The following DMD variants were observed in gnomAD, a reference collection of about 807,000 sequenced individuals.
DMD encodes the protein dystrophin.
In DMD, 63 loss-of-function variants were observed where a neutral mutation model predicts 330.1. The ratio of observed to expected loss-of-function variants is 0.19; its 90% CI spans 0.16 to 0.24. DMD has a LOEUF of 0.24. Among genes scored for constraint, DMD ranks in the 10% least tolerant of loss-of-function variants. The pLI is 1.00. For synonymous variants in DMD, 1,223 were observed against 959.8 expected (o/e 1.27, Z -5.07); for missense variants, 3,344 against 2,684.1 (o/e 1.25, Z -5.43).
chrX:32,218,808 G>C (rs941851360), intron 43 of DMD, among the ~76,000 whole-genome samples: 3 of 111,471 alleles, frequency 2.7e-5, no homozygotes, highest in Non-Finnish European at 5.7e-5. Context: ...GTAGAGAGAG[G>C]CTTCTAACCC....
intron 55 of DMD, among the ~76,000 whole-genome samples, chrX:31,616,651 T>A (rs910315938): frequency 3.6e-5 from 4 of 112,322 alleles, no homozygotes; most frequent in African/African-American, 1.3e-4. Context: ...GCAGATGAAA[T>A]CTTTGCTCTC....
At chrX:32,310,715 C>T in intron 41 of DMD, among the ~76,000 whole-genome samples, 1 of 110,348 alleles carries the variant, frequency 9.1e-6, no homozygotes, top group African/African-American at 3.3e-5. Context: ...GGCAACTTTC[C>T]TGTATCTATA....
At chrX:32,814,372 T>G (rs1342078096) in intron 6 of DMD, among the ~76,000 whole-genome samples, 2 of 112,522 alleles carry the variant, frequency 1.8e-5, no homozygotes, top group African/African-American at 6.4e-5. Context: ...TAGTCAATCC[T>G]TATGCTCTAT....
intron 44 of DMD, among the ~76,000 whole-genome samples, chrX:32,161,984 G>A (rs1295571104): frequency 9.0e-6 from 1 of 111,552 alleles, no homozygotes; most frequent in African/African-American, 3.3e-5. Context: ...CCTAGTGAAT[G>A]AGAGGCTTCA....
Position 31,968,461 on chromosome X carries a change from T to A in DMD, c.6492A>T (p.Ala2164=). 1 of 1,210,816 alleles carries A rather than the reference T, an allele frequency of 8.3e-7. No homozygotes were observed. The highest frequency in any genetic ancestry group is 1.1e-6 in the Non-Finnish European group (1 of 894,867). The part of the protein sequence containing the change: ...QRQTVVRTLN[A]TGEEIIQQSS... ...ATTGCTGAATTATTTCTTCCCCAGT[T>A]GCATTCAATGTTCTGACAACAGTTT... Residue 2164 remains alanine (A), a synonymous_variant, in exon 45 of 79, where the codon GCA becomes GCT. Coordinates refer to ENST00000357033, the MANE Select transcript of DMD (RefSeq NM_004006.3).
Position 32,799,503 on chromosome X carries a change from C to G in DMD, c.649+9990G>C, listed in dbSNP as rs185417713. Among the ~76,000 whole-genome samples, 170 of 111,068 alleles carry G rather than the reference C, an allele frequency of 1.5e-3. 1 individual carries two copies. The highest frequency in any genetic ancestry group is 5.4e-3 in the African/African-American group (166 of 30,629). On this transcript the variant is annotated intron_variant, in intron 7 of 78. Transcript: ENST00000357033. ...CTAGAACAGGCGCAATCTTTTATCC[C>G]TGATTTTTTGTTTTATTCCTTTAAA...
intron 1 of DMD, among the ~76,000 whole-genome samples, chrX:33,325,312 C>T (rs1485490550): frequency 1.8e-5 from 2 of 112,191 alleles, no homozygotes; most frequent in Non-Finnish European, 3.8e-5. Flanking sequence ...TGGATAATTT[C>T]AAAACCAATT....
chrX:31,434,418 G>GCGCA (rs1195150508), intron 60 of DMD, among the ~76,000 whole-genome samples: 129 of 78,042 alleles, frequency 1.7e-3, no homozygotes, highest in African/African-American at 3.7e-3. Flanking sequence ...CAGCGCGCGC[G>GCGCA]CACACACACA....
intron 60 of DMD, among the ~76,000 whole-genome samples, chrX:31,431,161 T>C (rs2064043932): frequency 9.0e-6 from 1 of 111,135 alleles, no homozygotes; most frequent in South Asian, 3.8e-4. Context: ...CACTTGATTT[T>C]CTCTGTTACA....
intron 49 of DMD, among the ~76,000 whole-genome samples, chrX:31,833,018 T>C (rs1055476644): frequency 2.7e-5 from 3 of 111,068 alleles, no homozygotes; most frequent in African/African-American, 9.8e-5. Flanking sequence ...CTGATAGCAG[T>C]TGTTTTTGCT....
Position 31,444,488 on chromosome X carries a change from A to T in DMD, c.9077T>A (p.Leu3026His). The change falls in exon 60 of 79, where the codon CTT (leucine) becomes CAT (histidine). Residue 3026 changes from leucine (L) to histidine (H), a missense_variant. Transcript: ENST00000357033. ...TLEDLNTRWK[L>H]LQVAVEDRVR... ...TGTTTACAATGTGCTTACCTGCAGA[A>T]GCTTCCATCTGGTGTTCAGGTCTTC... The T allele has an allele frequency of 8.3e-7, 1 of 1,211,746 alleles. No homozygotes were observed. The highest frequency in any genetic ancestry group is 1.1e-6 in the Non-Finnish European group (1 of 895,384).
At chrX:32,871,385 A>G (rs933580576) in intron 2 of DMD, among the ~76,000 whole-genome samples, 2 of 110,930 alleles carry the variant, frequency 1.8e-5, no homozygotes, top group Non-Finnish European at 3.8e-5. Flanking sequence ...CATACTTAAG[A>G]TCAAGTGGGA....
At chrX:32,787,333 AG>A (rs1223580899) in intron 7 of DMD, among the ~76,000 whole-genome samples, 2 of 109,590 alleles carry the variant, frequency 1.8e-5, no homozygotes, top group African/African-American at 6.7e-5. Flanking sequence ...TATGAAAACT[AG>A]ATTAGACTCT....
chrX:31,704,156 T>G (rs1396655955), intron 52 of DMD, among the ~76,000 whole-genome samples: 1 of 112,277 alleles, frequency 8.9e-6, no homozygotes, highest in African/African-American at 3.2e-5. Context: ...AATTTTTTTC[T>G]GATGACTTAT....
intron 55 of DMD, among the ~76,000 whole-genome samples, chrX:31,579,842 A>C: frequency 8.9e-6 from 1 of 112,524 alleles, no homozygotes; most frequent in Admixed American, 9.4e-5. Flanking sequence ...TTTGGAAGTC[A>C]GAAGTTTGAA....
intron 44 of DMD, among the ~76,000 whole-genome samples, chrX:31,975,972 C>T (rs1256492162): frequency 9.0e-6 from 1 of 111,388 alleles, no homozygotes; most frequent in African/African-American, 3.3e-5. Context: ...ATTTGCCATG[C>T]CTATATTTTC....
At chrX:32,598,227 G>A (rs2055791900) in intron 12 of DMD, among the ~76,000 whole-genome samples, 2 of 112,076 alleles carry the variant, frequency 1.8e-5, no homozygotes, top group African/African-American at 6.5e-5. Flanking sequence ...CATCTATTTT[G>A]TGTGTGCAAT....
intron 55 of DMD, among the ~76,000 whole-genome samples, chrX:31,622,691 A>G (rs1318542694): frequency 9.2e-6 from 1 of 108,909 alleles, no homozygotes; most frequent in African/African-American, 3.3e-5. Context: ...GAGAAATAAG[A>G]TTCTGTTGTA....
chrX:32,320,311 T>C (rs1444773060), intron 41 of DMD, among the ~76,000 whole-genome samples: 1 of 111,888 alleles, frequency 8.9e-6, no homozygotes, highest in Non-Finnish European at 1.9e-5. Flanking sequence ...GGAAGTATTC[T>C]CTTCATTAGA....
Sources: gnomAD v4.1 joint callset for allele counts (sites outside exome capture counted in the v4.1 genomes callset) on GRCh38, gnomAD v4.1.1 for gene constraint, MANE v1.5 for transcripts, NCBI Gene and HGNC (gene_info 2026-07-23, HGNC 2026-07-21) for gene names.